Variants in VEPH1 observed in about 807,000 individuals in gnomAD.
VEPH1 encodes ventricular zone expressed PH domain containing 1, also known as ventricular zone-expressed PH domain-containing protein homolog 1.
Under a neutral mutation model 85.2 loss-of-function variants are expected in VEPH1, and 80 were observed. The ratio of observed to expected loss-of-function variants is 0.94; its 90% confidence interval spans 0.78 to 1.13. The LOEUF (loss-of-function observed/expected upper bound fraction) is 1.13, where lower values mean the gene tolerates loss of function less well. Among genes scored for constraint, VEPH1 ranks in the 50% most tolerant of loss-of-function variants. The pLI is 0.00. For missense variants in VEPH1, 955 were observed against 980.5 expected, an observed-to-expected ratio of 0.97 and a Z score of 0.35; for synonymous variants, 297 against 348.0, an observed-to-expected ratio of 0.85 and a Z score of 1.63.
chr3:157,386,124 C>T (rs1214990083), intron 6 of VEPH1, among the ~76,000 whole-genome samples: 1 of 151,960 alleles, frequency 6.6e-6, no homozygotes, highest in Non-Finnish European at 1.5e-5. Context: ...CAAATACTAG[C>T]ATCAGTAGTT....
intron 6 of VEPH1, among the ~76,000 whole-genome samples, chr3:157,393,556 G>A (rs749114482): frequency 6.6e-6 from 1 of 152,026 alleles, no homozygotes; most frequent in Non-Finnish European, 1.5e-5. Flanking sequence ...AAAGATTACT[G>A]TTTTCAATAT....
chr3:157,413,235 T>C (rs1323230691), intron 6 of VEPH1, among the ~76,000 whole-genome samples: 1 of 152,148 alleles, frequency 6.6e-6, no homozygotes, highest in Non-Finnish European at 1.5e-5. Context: ...AAAACTTTCT[T>C]AATCCCCATA....
In VEPH1 at chr3:157,304,038, T is replaced by TATATATATATACACAC; in HGVS notation, c.2010+9582_2010+9583insGTGTGTATATATATAT. ...CTTATATTTTTTATATATATATATA[T>TATATATATATACACAC]ACACACATACTGTTACATCTTATAT... On this transcript the variant is annotated intron_variant, in intron 11 of 13. Transcript: ENST00000362010. Among the ~76,000 whole-genome samples the TATATATATATACACAC allele has an allele frequency of 3.6e-4, 35 of 96,910 alleles. 2 individuals carry two copies. The East Asian group carries it at 6.3e-3, about 17-fold the overall frequency. 63.6% of individuals were successfully genotyped at this position (96,910 alleles called of 152,430 possible).
At chr3:157,309,541 G>A (rs1194331219) in intron 11 of VEPH1, among the ~76,000 whole-genome samples, 1 of 152,054 alleles carries the variant, frequency 6.6e-6, no homozygotes, top group East Asian at 1.9e-4. Flanking sequence ...TATACAAAAT[G>A]TGTGTTAGTA....
intron 13 of VEPH1, among the ~76,000 whole-genome samples, chr3:157,265,172 A>G (rs1046348508): frequency 2.0e-5 from 3 of 152,214 alleles, no homozygotes; most frequent in African/African-American, 7.2e-5. Context: ...CCATTTCCAA[A>G]TATAAACTAT....
At chr3:157,335,836 T>C (rs2108622471) in intron 9 of VEPH1, among the ~76,000 whole-genome samples, 1 of 152,316 alleles carries the variant, frequency 6.6e-6, no homozygotes, top group Non-Finnish European at 1.5e-5. Flanking sequence ...GAAGTTTGCA[T>C]CTGTTACAAT....
chr3:157,343,725 AAAAG>A (rs1400039610), intron 9 of VEPH1, among the ~76,000 whole-genome samples: 1 of 152,178 alleles, frequency 6.6e-6, no homozygotes, highest in Non-Finnish European at 1.5e-5. Flanking sequence ...ACACAACAAA[AAAAG>A]AGAATTTTAG....
chr3:157,433,873 A>G (rs576325212), intron 4 of VEPH1, among the ~76,000 whole-genome samples: 2 of 152,330 alleles, frequency 1.3e-5, no homozygotes, highest in Non-Finnish European at 2.9e-5. Flanking sequence ...ACTTCATTAT[A>G]TCAAGCTTTA....
chr3:157,469,590 C>G (rs777975610), intron 3 of VEPH1, among the ~76,000 whole-genome samples: 1 of 152,080 alleles, frequency 6.6e-6, no homozygotes, highest in African/African-American at 2.4e-5. Context: ...TGTGATCATT[C>G]AAAAGGGAAA....
chr3:157,435,934 T>C (rs919056971), intron 4 of VEPH1, among the ~76,000 whole-genome samples: 1 of 152,208 alleles, frequency 6.6e-6, no homozygotes, highest in Non-Finnish European at 1.5e-5. Context: ...ATATTCCTTT[T>C]TTCCCCCAGC....
intron 6 of VEPH1, among the ~76,000 whole-genome samples, chr3:157,399,233 A>G (rs1175930504): frequency 6.6e-6 from 1 of 152,240 alleles, no homozygotes; most frequent in Non-Finnish European, 1.5e-5. Flanking sequence ...GAAATGTCCA[A>G]GACCCCAAAA....
intron 9 of VEPH1, among the ~76,000 whole-genome samples, chr3:157,339,269 C>T (rs1330584187): frequency 6.6e-6 from 1 of 152,174 alleles, no homozygotes; most frequent in Non-Finnish European, 1.5e-5. Flanking sequence ...TGTTCTAGTG[C>T]CCTGGGCTTC....
intron 12 of VEPH1, among the ~76,000 whole-genome samples, chr3:157,267,102 C>CTT (rs10537483): frequency 0.013 from 1,620 of 124,660 alleles, 15 homozygotes; most frequent in Non-Finnish European, 0.019. Context: ...TCTTTTTTTT[C>CTT]TTTTTTTTTT....
At chr3:157,312,818 G>A (rs146721223) in intron 11 of VEPH1, among the ~76,000 whole-genome samples, 1 of 150,858 alleles carries the variant, frequency 6.6e-6, no homozygotes. Context: ...ATTTTTTATA[G>A]TTCTGGAGCT....
chr3:157,502,782 G>A (rs1471962568), intron 1 of VEPH1, among the ~76,000 whole-genome samples: 3 of 152,148 alleles, frequency 2.0e-5, no homozygotes, highest in African/African-American at 7.2e-5. Flanking sequence ...TAAGATATCT[G>A]AAACACCAAA....
At chr3:157,375,249 T>G (rs1235756320) in intron 7 of VEPH1, among the ~76,000 whole-genome samples, 2 of 152,206 alleles carry the variant, frequency 1.3e-5, no homozygotes, top group Non-Finnish European at 2.9e-5. Flanking sequence ...TTTTGCAGAG[T>G]TGCAGAGAAG....
At chr3:157,262,784 A>G (rs1221842397) in intron 13 of VEPH1, among the ~76,000 whole-genome samples, 1 of 152,198 alleles carries the variant, frequency 6.6e-6, no homozygotes, top group African/African-American at 2.4e-5. Flanking sequence ...AAGGTATTAC[A>G]TAGATTTTTC....
intron 4 of VEPH1, chr3:157,442,842 A>G (rs1209688854): frequency 1.2e-6 from 2 of 1,614,228 alleles, no homozygotes; most frequent in East Asian, 4.5e-5. Flanking sequence ...CACAGGCTTC[A>G]ATATCTGGGA....
rs192444967 is a variant in VEPH1 at position 157,434,273 on chromosome 3, A to T, written c.530-5785T>A. ...TTTATGTTTTATGCATAGCTTTTGT[A>T]AGTGATGTATAGCTGGATTTTTAAA... On this transcript the variant is annotated intron_variant, in intron 4 of 13. Transcript: ENST00000362010. Among the ~76,000 whole-genome samples, 6 of 152,150 alleles carry T rather than the reference A, an allele frequency of 3.9e-5. No homozygotes were observed. In the East Asian group the frequency reaches 1.2e-3, roughly 29 times the overall value.
Sources: gnomAD v4.1 joint callset for allele counts (sites outside exome capture counted in the v4.1 genomes callset) on GRCh38, gnomAD v4.1.1 for gene constraint, MANE v1.5 for transcripts, NCBI Gene and HGNC (gene_info 2026-07-23, HGNC 2026-07-21) for gene names.